Variants in FILIP1 observed in about 807,000 individuals in gnomAD.
FILIP1 encodes the protein filamin A interacting protein 1, also known as filamin-A-interacting protein 1.
Under a neutral mutation model 102.1 loss-of-function variants are expected in FILIP1, and 61 were observed. The observed-to-expected ratio is 0.60, with a 90% CI of 0.49 to 0.74. The LOEUF (loss-of-function observed/expected upper bound fraction) is 0.74. FILIP1 is among the 30% of genes least tolerant of loss of function. FILIP1 has a pLI of 0.00. For synonymous variants in FILIP1, 491 were observed against 526.9 expected, an observed-to-expected ratio of 0.93 and a Z score of 0.93; for missense variants, 1,314 against 1,441.2, an observed-to-expected ratio of 0.91 and a Z score of 1.43.
At chr6:75,322,006 C>T (rs757253362) in intron 4 of FILIP1, among the ~76,000 whole-genome samples, 1 of 152,094 alleles carries the variant, frequency 6.6e-6, no homozygotes, top group Non-Finnish European at 1.5e-5. Flanking sequence ...CACAGGAGCA[C>T]CCAAGGAAGA....
rs1777905440 is a variant in FILIP1 at position 75,433,610 on chromosome 6, C to A, written c.-6-18632G>T. 2.0e-5 allele frequency among the ~76,000 whole-genome samples: 3 copies of A among 152,100 alleles called. No homozygotes were observed. The South Asian group carries it at 6.2e-4, about 31-fold the overall frequency. On this transcript the variant is annotated intron_variant, in intron 1 of 5. Transcript: ENST00000237172. ...ATGGATAGATTCTAAAAATTTTCTC[C>A]CATTCTATAGGTTGCCTGTTCACTC...
intron 1 of FILIP1, among the ~76,000 whole-genome samples, chr6:75,439,344 C>T (rs1258990818): frequency 6.7e-6 from 1 of 148,168 alleles, no homozygotes. Context: ...CCAGCCTGGG[C>T]GACAAGAGCG....
exon 7 of FILIP1, chr6:75,295,598 CA>C (rs34332368): frequency 5.7e-5 from 12 of 210,770 alleles, no homozygotes; most frequent in Non-Finnish European, 7.5e-5. Flanking sequence ...AACACTTTAG[CA>C]AAAAAAATCA....
chr6:75,471,179 A>G (rs1029422410), intron 1 of FILIP1, among the ~76,000 whole-genome samples: 49 of 149,500 alleles, frequency 3.3e-4, no homozygotes, highest in South Asian at 2.5e-3. Context: ...AAAAAAAAAA[A>G]AAAAGAAAAT....
chr6:75,486,864 T>C (rs1262226966), intron 1 of FILIP1, among the ~76,000 whole-genome samples: 2 of 152,070 alleles, frequency 1.3e-5, no homozygotes, highest in Non-Finnish European at 2.9e-5. Context: ...ATGTTGTATA[T>C]TATATAGATA....
chr6:75,401,673 A>C (rs1453065749), intron 2 of FILIP1, among the ~76,000 whole-genome samples: 1 of 152,092 alleles, frequency 6.6e-6, no homozygotes, highest in Non-Finnish European at 1.5e-5. Flanking sequence ...TTCCTTCTTC[A>C]AATAAAGTCC....
intron 2 of FILIP1, among the ~76,000 whole-genome samples, chr6:75,382,312 C>T (rs988695136): frequency 6.6e-6 from 1 of 152,228 alleles, no homozygotes; most frequent in Non-Finnish European, 1.5e-5. Context: ...TAGAGCATGA[C>T]TTCTTGCAAT....
rs145564203 is a variant in FILIP1 at position 75,470,911 on chromosome 6, G to A, written c.-7+22503C>T. ...CCAGGTGGCTCACGTCTGTAATCTC[G>A]GCACTTTGGAAGGCAGAGGCAGGCA... On this transcript the variant is annotated intron_variant, in intron 1 of 5. Transcript: ENST00000237172. Among the ~76,000 whole-genome samples the A allele has an allele frequency of 5.9e-3, 903 of 151,978 alleles. 11 individuals are homozygous for A. The highest frequency in any genetic ancestry group is 0.021 in the African/African-American group (852 of 41,472).
chr6:75,398,076 G>A (rs960059257), intron 2 of FILIP1: 6 of 152,096 alleles, frequency 3.9e-5, no homozygotes, highest in Admixed American at 3.9e-4. Context: ...TCCACAGATA[G>A]GATTACATGT....
chr6:75,330,598 T>G (rs923808097), intron 4 of FILIP1, among the ~76,000 whole-genome samples: 3 of 152,166 alleles, frequency 2.0e-5, no homozygotes, highest in African/African-American at 7.2e-5. Context: ...TGCTTTTTCT[T>G]CATAAGAGAA....
chr6:75,486,060 C>T (rs929630496), intron 1 of FILIP1, among the ~76,000 whole-genome samples: 21 of 151,562 alleles, frequency 1.4e-4, no homozygotes, highest in Admixed American at 3.9e-4. Flanking sequence ...CTACCAACAA[C>T]GGGGATAAGT....
Position 75,308,367 on chromosome 6 carries a change from A to T in FILIP1, c.*324T>A, listed in dbSNP as rs1200693373. 8 of 1,039,770 alleles carry T rather than the reference A, an allele frequency of 7.7e-6. No homozygotes were observed. In the Admixed American group the frequency reaches 3.0e-4, roughly 39 times the overall value. 64.4% of individuals were successfully genotyped at this position (1,039,770 alleles called of 1,614,324 possible). On this transcript the variant is annotated 3_prime_UTR_variant, in exon 6 of 6. Transcript: ENST00000237172. ...GGAAATATGGGAGCCGGACTTGAAG[A>T]GCGTGTGATTGAGTCCCCACATCTA...
At chr6:75,348,502 T>C (rs1487831389) in intron 4 of FILIP1, among the ~76,000 whole-genome samples, 1 of 152,244 alleles carries the variant, frequency 6.6e-6, no homozygotes, top group African/African-American at 2.4e-5. Context: ...CAAATTATGA[T>C]CACAGTTTGT....
intron 1 of FILIP1, among the ~76,000 whole-genome samples, chr6:75,464,069 G>T (rs1779099578): frequency 6.6e-6 from 1 of 152,140 alleles, no homozygotes; most frequent in African/African-American, 2.4e-5. Context: ...ACAGATGTTG[G>T]ACTGTTCCAT....
At chr6:75,462,684 C>A (rs1043731693) in intron 1 of FILIP1, among the ~76,000 whole-genome samples, 1 of 152,206 alleles carries the variant, frequency 6.6e-6, no homozygotes, top group Non-Finnish European at 1.5e-5. Flanking sequence ...TCCTTCCTCT[C>A]TCTAAGCTCT....
intron 4 of FILIP1, among the ~76,000 whole-genome samples, chr6:75,348,906 C>T (rs1582379953): frequency 6.6e-6 from 1 of 152,282 alleles, no homozygotes; most frequent in African/African-American, 2.4e-5. Context: ...TTCATGATAA[C>T]AGTCATTCTG....
chr6:75,432,286 T>C (rs558198599), intron 1 of FILIP1, among the ~76,000 whole-genome samples: 3 of 152,350 alleles, frequency 2.0e-5, no homozygotes, highest in South Asian at 4.1e-4. Flanking sequence ...GAAATTATTT[T>C]CAGGATCTAC....
chr6:75,441,785 G>C (rs1236745507), intron 1 of FILIP1, among the ~76,000 whole-genome samples: 1 of 149,288 alleles, frequency 6.7e-6, no homozygotes, highest in African/African-American at 2.5e-5. Flanking sequence ...AGGGGCAGCC[G>C]GGCAGAGGTG....
intron 4 of FILIP1, among the ~76,000 whole-genome samples, chr6:75,322,412 C>T (rs1297976531): frequency 6.6e-6 from 1 of 152,186 alleles, no homozygotes; most frequent in Non-Finnish European, 1.5e-5. Flanking sequence ...CATTCTTCAA[C>T]TATGCCTTGA....
Sources: allele counts gnomAD v4.1 joint callset (sites outside exome capture counted in the v4.1 genomes callset), GRCh38; gene constraint gnomAD v4.1.1; transcripts MANE v1.5; gene names NCBI Gene and HGNC (gene_info 2026-07-23, HGNC 2026-07-21).